The following SNRPN variants were observed in gnomAD, a reference collection of about 807,000 sequenced individuals.
The protein encoded by SNRPN is small nuclear ribonucleoprotein polypeptide N.
A neutral mutation model predicts 25.2 loss-of-function variants in SNRPN; 7 were observed. The ratio of observed to expected loss-of-function variants is 0.28; its 90% CI spans 0.16 to 0.52. The LOEUF (loss-of-function observed/expected upper bound fraction) is 0.52. Among genes scored for constraint, SNRPN ranks in the 20% least tolerant of loss-of-function variants. The probability of loss-of-function intolerance (pLI) is 0.96; values close to 1 mark genes in which losing one functional copy is unlikely to be tolerated. For synonymous variants in SNRPN, 124 were observed against 110.6 expected, an observed-to-expected ratio of 1.12 and a Z score of -0.76; for missense variants, 196 against 322.5, an observed-to-expected ratio of 0.61 and a Z score of 3.00.
At chr15:24,871,608 A>G (rs138538287) in intron 1 of SNRPN, among the ~76,000 whole-genome samples, 3 of 151,964 alleles carry the variant, frequency 2.0e-5, no homozygotes, top group African/African-American at 7.2e-5. Context: ...CAATTTACCC[A>G]TTTTTAGTTG....
At chr15:24,830,979 A>T (rs2050464579) in intron 2 of SNRPN, among the ~76,000 whole-genome samples, 1 of 151,620 alleles carries the variant, frequency 6.6e-6, no homozygotes, top group African/African-American at 2.4e-5. Context: ...GTCCTTACTG[A>T]TTTTTTCTGC....
intron 3 of SNRPN, among the ~76,000 whole-genome samples, chr15:24,935,189 C>G (rs1199283046): frequency 2.0e-5 from 3 of 151,600 alleles, no homozygotes; most frequent in Non-Finnish European, 4.4e-5. Flanking sequence ...GGAGAATTGC[C>G]TGAACCCGGG....
chr15:24,832,780 T>G (rs1471157375), intron 2 of SNRPN, among the ~76,000 whole-genome samples: 4 of 151,876 alleles, frequency 2.6e-5, no homozygotes, highest in African/African-American at 7.3e-5. Context: ...ACAGACTTGC[T>G]GCAGCTGTAC....
At chr15:24,932,647 T>A (rs1196381713) in intron 3 of SNRPN, among the ~76,000 whole-genome samples, 1 of 121,754 alleles carries the variant, frequency 8.2e-6, no homozygotes, top group African/African-American at 2.6e-5. Context: ...AGTCTGTAAA[T>A]GTTTTTTTTT....
At chr15:24,889,373 G>A (rs12593607) in intron 2 of SNRPN, among the ~76,000 whole-genome samples, 7,741 of 151,760 alleles carry the variant, frequency 0.051, 469 homozygotes, top group Admixed American at 0.17. Context: ...CACGATCTCC[G>A]CTCACTGCAA....
At chr15:24,965,031 A>C (rs1010084274) in intron 2 of SNRPN, among the ~76,000 whole-genome samples, 4 of 152,146 alleles carry the variant, frequency 2.6e-5, no homozygotes, top group African/African-American at 4.8e-5. Context: ...GTGCGTTTTC[A>C]TTTTGAGAGT....
chr15:24,930,336 T>C (rs1477159709), intron 3 of SNRPN, among the ~76,000 whole-genome samples: 2 of 151,674 alleles, frequency 1.3e-5, no homozygotes, highest in Non-Finnish European at 2.9e-5. Flanking sequence ...AAATATATTA[T>C]TTTACATGAG....
At chr15:24,858,041 G>A (rs1183375331) in intron 1 of SNRPN, among the ~76,000 whole-genome samples, 1 of 152,096 alleles carries the variant, frequency 6.6e-6, no homozygotes, top group East Asian at 1.9e-4. Flanking sequence ...TGATCCATCG[G>A]GAGCAGGGCC....
At chr15:24,963,753 G>A (rs1326537254) in intron 2 of SNRPN, among the ~76,000 whole-genome samples, 1 of 151,964 alleles carries the variant, frequency 6.6e-6, no homozygotes, top group Non-Finnish European at 1.5e-5. Flanking sequence ...TATGTGAAAA[G>A]TTGAGCTGGA....
chr15:24,893,817 G>T (rs1306968629), intron 2 of SNRPN, among the ~76,000 whole-genome samples: 1 of 151,886 alleles, frequency 6.6e-6, no homozygotes, highest in African/African-American at 2.4e-5. Flanking sequence ...GCCTCCCTCA[G>T]TCCTTGTTAT....
chr15:24,957,858 A>G (rs1475374528), intron 1 of SNRPN, among the ~76,000 whole-genome samples: 1 of 152,222 alleles, frequency 6.6e-6, no homozygotes, highest in South Asian at 2.1e-4. Flanking sequence ...GTAGTCTTGC[A>G]TTCAGGCCCG....
At chr15:24,865,601 A>C (rs2054505589) in intron 1 of SNRPN, among the ~76,000 whole-genome samples, 1 of 152,134 alleles carries the variant, frequency 6.6e-6, no homozygotes, top group Admixed American at 6.6e-5. Context: ...GTTTATGTGG[A>C]AGTCAGTGCT....
intron 2 of SNRPN, among the ~76,000 whole-genome samples, chr15:24,832,296 T>A (rs1438084500): frequency 6.6e-6 from 1 of 152,114 alleles, no homozygotes; most frequent in Non-Finnish European, 1.5e-5. Context: ...GGACTTGTTT[T>A]TAGATCTACT....
At chr15:24,976,560 T>A (rs545042990) in intron 6 of SNRPN, 144 bp downstream of exon 6, 1 of 693,478 alleles carries the variant, frequency 1.4e-6, no homozygotes, top group South Asian at 1.8e-5. Flanking sequence ...AATTGTTGGT[T>A]GCCTATGCTA....
chr15:24,949,007 A>ATT (rs2062056162), intron 3 of SNRPN, among the ~76,000 whole-genome samples: 1 of 70,930 alleles, frequency 1.4e-5, no homozygotes, highest in South Asian at 4.1e-4. Context: ...GGATTTGCCT[A>ATT]TTCTTTTTTT....
chr15:24,831,128 T>C (rs1418043443), intron 2 of SNRPN, among the ~76,000 whole-genome samples: 1 of 152,028 alleles, frequency 6.6e-6, no homozygotes, highest in Non-Finnish European at 1.5e-5. Context: ...GTTACATGCA[T>C]ATATATTAAG....
intron 2 of SNRPN, among the ~76,000 whole-genome samples, chr15:24,901,316 T>C (rs1247824288): frequency 6.6e-6 from 1 of 152,136 alleles, no homozygotes; most frequent in Non-Finnish European, 1.5e-5. Flanking sequence ...CAGAAGACTT[T>C]GGTGGTAGCT....
intron 3 of SNRPN, among the ~76,000 whole-genome samples, chr15:24,970,417 A>C (rs1409855512): frequency 6.6e-6 from 1 of 152,098 alleles, no homozygotes; most frequent in Non-Finnish European, 1.5e-5. Context: ...CATCTGTTCT[A>C]AAAATACAAA....
chr15:24,905,237 G>C (rs963129604), intron 2 of SNRPN, among the ~76,000 whole-genome samples: 1 of 152,110 alleles, frequency 6.6e-6, no homozygotes, highest in Non-Finnish European at 1.5e-5. Flanking sequence ...AGGACCGGGT[G>C]CGGTGGCTCA....
Sources: allele counts gnomAD v4.1 joint callset (sites outside exome capture counted in the v4.1 genomes callset), GRCh38; gene constraint gnomAD v4.1.1; transcripts MANE v1.5; gene names NCBI Gene and HGNC (gene_info 2026-07-23, HGNC 2026-07-21).